CSMD1: variants seen among roughly 807,000 people sequenced by gnomAD.
The protein encoded by CSMD1 is CUB and Sushi multiple domains 1, also known as CUB and sushi domain-containing protein 1.
In CSMD1, 213 loss-of-function variants were observed where a neutral mutation model predicts 417.5. That is an observed-to-expected ratio of 0.51 (90% CI 0.46 to 0.57). The LOEUF (loss-of-function observed/expected upper bound fraction) is 0.57, where lower values mean the gene tolerates loss of function less well. CSMD1 is among the 20% of genes least tolerant of loss of function. CSMD1 has a pLI of 0.00. For synonymous variants in CSMD1, 2,862 were observed against 1,736.8 expected (o/e 1.65, Z -16.11); for missense variants, 6,923 against 4,529.7 (o/e 1.53, Z -15.17).
chr8:3,546,811 T>C (rs1274809213), intron 10 of CSMD1, among the ~76,000 whole-genome samples: 1 of 152,192 alleles, frequency 6.6e-6, no homozygotes, highest in Non-Finnish European at 1.5e-5. Flanking sequence ...CTGAAGAACA[T>C]CATTTACTTC....
Position 3,574,950 on chromosome 8 carries a change from C to A in CSMD1, c.1339G>T (p.Asp447Tyr). 2 of 1,612,062 alleles carry A rather than the reference C, an allele frequency of 1.2e-6. No homozygotes were observed. The highest frequency in any genetic ancestry group is 2.2e-5 in the East Asian group (1 of 44,856). ...CVWVITTTDPDKVIKLAFEEF... is the reference protein window; with the variant it reads ...CVWVITTTDPYKVIKLAFEEF... ...GGTTGGAGGCGGAGCCTTACCTTGT[C>A]CGGGTCGGTGGTGGTGATGACCCAC... The change falls in exon 10 of 70, where the codon GAC becomes TAC. Residue 447 changes from aspartate (D) to tyrosine (Y), a missense_variant. By Grantham distance (160) the Asp-to-Tyr change is radical (BLOSUM62 -3). Transcript: ENST00000635120.
chr8:3,704,105 G>C lies in CSMD1; in HGVS notation c.1009+4309C>G, dbSNP rs187733322. On this transcript the variant is annotated intron_variant, in intron 7 of 69. Transcript: ENST00000635120. The stretch of plus-strand genomic sequence containing the variant: ...AAACAAAAAAACTTAGCTCTCTTAA[G>C]TCTTATAATTAGAGCAGTCCTCCAT... Among the ~76,000 whole-genome samples the C allele has an allele frequency of 2.6e-5, 4 of 152,064 alleles. No homozygotes were observed. The East Asian group carries it at 7.7e-4, about 29-fold the overall frequency.
chr8:4,750,855 G>C (rs1231896241), intron 1 of CSMD1, among the ~76,000 whole-genome samples: 1 of 152,100 alleles, frequency 6.6e-6, no homozygotes, highest in East Asian at 1.9e-4. Flanking sequence ...GAGATATTGG[G>C]ATTTAGTGAA....
intron 1 of CSMD1, among the ~76,000 whole-genome samples, chr8:4,925,874 T>C (rs1421188831): frequency 6.6e-6 from 1 of 152,138 alleles, no homozygotes; most frequent in Non-Finnish European, 1.5e-5. Context: ...AATTGTGAAA[T>C]GGCATTCTGT....
At chr8:4,521,224 A>T (rs1803426534) in intron 2 of CSMD1, among the ~76,000 whole-genome samples, 2 of 152,198 alleles carry the variant, frequency 1.3e-5, no homozygotes, top group African/African-American at 4.8e-5. Flanking sequence ...AAATGTAACA[A>T]AAAAGAACCA....
At chr8:4,195,283 A>T (rs1190288260) in intron 3 of CSMD1, among the ~76,000 whole-genome samples, 3 of 152,190 alleles carry the variant, frequency 2.0e-5, no homozygotes, top group Non-Finnish European at 4.4e-5. Flanking sequence ...TCACCCAGGC[A>T]GTTCCACAAT....
At chr8:3,564,307 T>C (rs1378339640) in intron 10 of CSMD1, among the ~76,000 whole-genome samples, 1 of 147,588 alleles carries the variant, frequency 6.8e-6, no homozygotes, top group African/African-American at 2.6e-5. Flanking sequence ...TCCTGTAAAC[T>C]TTTCTCCCAG....
At chr8:4,507,362 C>G (rs1354960103) in intron 2 of CSMD1, among the ~76,000 whole-genome samples, 9 of 152,168 alleles carry the variant, frequency 5.9e-5, no homozygotes, top group Admixed American at 5.9e-4. Flanking sequence ...ACAAGACTCT[C>G]CCATTAGATA....
chr8:4,539,823 G>A (rs1443390428), intron 2 of CSMD1, among the ~76,000 whole-genome samples: 2 of 152,146 alleles, frequency 1.3e-5, no homozygotes, highest in Non-Finnish European at 2.9e-5. Context: ...TAAGCATTAT[G>A]TGTATGAAAT....
chr8:4,624,054 G>A (rs575405655), intron 2 of CSMD1, among the ~76,000 whole-genome samples: 1 of 152,086 alleles, frequency 6.6e-6, no homozygotes, highest in Non-Finnish European at 1.5e-5. Context: ...TATTCAAAAT[G>A]ACTATCTCTA....
At chr8:4,849,280 G>T (rs954547423) in intron 1 of CSMD1, among the ~76,000 whole-genome samples, 1 of 152,014 alleles carries the variant, frequency 6.6e-6, no homozygotes, top group Non-Finnish European at 1.5e-5. Flanking sequence ...ATTTTAATGT[G>T]TTATTACAAA....
At chr8:3,599,167 G>A (rs1468719363) in intron 8 of CSMD1, among the ~76,000 whole-genome samples, 4 of 149,872 alleles carry the variant, frequency 2.7e-5, no homozygotes, top group South Asian at 2.1e-4. Flanking sequence ...GTGTGTCTGT[G>A]TGTGTGTGTG....
chr8:3,188,968 C>T lies in CSMD1; in HGVS notation c.5442G>A (p.Leu1814=). ...CGTATGGCTCAGGGTAGCCGGGGGA[C>T]AGGATTGTACCTCTTCGTTGAGTGA... is the stretch of plus-strand genomic sequence containing the variant. ...GNFTQRRGTI[L]SPGYPEPYGN... The change falls in exon 35 of 70, where the codon CTG becomes CTA. Residue 1814 remains leucine (L), a synonymous_variant. Transcript: ENST00000635120. 6.2e-7 allele frequency: 1 copy of T among 1,613,314 alleles called. No homozygotes were observed. The highest frequency in any genetic ancestry group is 1.1e-5 in the South Asian group (1 of 90,954).
chr8:3,982,644 G>A (rs939558864), intron 5 of CSMD1, among the ~76,000 whole-genome samples: 8 of 151,964 alleles, frequency 5.3e-5, no homozygotes, highest in Admixed American at 2.0e-4. Context: ...TAAATTATGT[G>A]GGGCAAAGAT....
intron 1 of CSMD1, among the ~76,000 whole-genome samples, chr8:4,651,491 C>A (rs910088634): frequency 2.4e-4 from 36 of 152,132 alleles, no homozygotes; most frequent in African/African-American, 8.4e-4. Context: ...TGAACAAACA[C>A]AAGCGGATCA....
chr8:4,350,762 T>G (rs768272206), intron 3 of CSMD1, among the ~76,000 whole-genome samples: 1 of 152,188 alleles, frequency 6.6e-6, no homozygotes, highest in African/African-American at 2.4e-5. Flanking sequence ...TGGCAGCTGA[T>G]TGAATTTAAG....
At chr8:4,824,363 T>A (rs910625390) in intron 1 of CSMD1, among the ~76,000 whole-genome samples, 12 of 152,128 alleles carry the variant, frequency 7.9e-5, no homozygotes, top group African/African-American at 2.9e-4. Context: ...CTGAATGATA[T>A]GCAGAGTTTT....
rs551745632 is a variant in CSMD1 at position 3,335,081 on chromosome 8, T to C, written c.3631+8213A>G. Among the ~76,000 whole-genome samples, 4 of 152,330 alleles carry C rather than the reference T, an allele frequency of 2.6e-5. No individual in the cohort carries two copies. In the South Asian group the frequency reaches 8.3e-4, roughly 32 times the overall value. ...GAGTGAGAAGTATAGCTATGACTCA[T>C]GAAACCGAGAGGAGCCCAGGACCCT... On this transcript the variant is annotated intron_variant, in intron 23 of 69. Transcript: ENST00000635120.
intron 2 of CSMD1, among the ~76,000 whole-genome samples, chr8:4,586,499 T>C (rs1228473022): frequency 6.6e-6 from 1 of 152,236 alleles, no homozygotes; most frequent in Non-Finnish European, 1.5e-5. Flanking sequence ...ACCTAGTTCC[T>C]TCTGGATGAG....
Sources: allele counts gnomAD v4.1 joint callset (sites outside exome capture counted in the v4.1 genomes callset), GRCh38; gene constraint gnomAD v4.1.1; transcripts MANE v1.5; gene names NCBI Gene and HGNC (gene_info 2026-07-23, HGNC 2026-07-21).